Variants in IFT25 observed in about 807,000 individuals in gnomAD.
IFT25 encodes the protein intraflagellar transport 25.
chr1:53,919,909 C>T, the IFT25 span, among the ~76,000 whole-genome samples: 2 of 152,006 alleles, frequency 1.3e-5, no homozygotes, highest in South Asian at 4.1e-4. Context: ...ACCACCTCAG[C>T]CTCCCAAGCA....
chr1:53,944,144 C>T, the IFT25 span, among the ~76,000 whole-genome samples: 5 of 152,274 alleles, frequency 3.3e-5, no homozygotes, highest in South Asian at 2.1e-4. Context: ...TAAGTAGAAA[C>T]GGCAGAGACT....
the IFT25 span, among the ~76,000 whole-genome samples, chr1:53,918,314 A>T: frequency 6.6e-6 from 1 of 152,214 alleles, no homozygotes. Flanking sequence ...TTTTGTTATA[A>T]TTACTAGGAA....
chr1:53,933,403 G>A, the IFT25 span, among the ~76,000 whole-genome samples: 1 of 152,074 alleles, frequency 6.6e-6, no homozygotes, highest in East Asian at 1.9e-4. Context: ...CAAAGTGCTG[G>A]GATTGCAGGC....
the IFT25 span, chr1:53,928,476 T>C: frequency 6.7e-7 from 1 of 1,486,422 alleles, no homozygotes; most frequent in South Asian, 1.1e-5. Context: ...AGTGTTAATC[T>C]GGCTGTATGT....
the IFT25 span, among the ~76,000 whole-genome samples, chr1:53,943,943 G>C: frequency 1.3e-5 from 2 of 152,174 alleles, no homozygotes; most frequent in Non-Finnish European, 2.9e-5. Context: ...TTTTAAAAGA[G>C]AGTTACACTT....
chr1:53,928,246 C>T, the IFT25 span: 1 of 729,296 alleles, frequency 1.4e-6, no homozygotes, highest in Non-Finnish European at 2.3e-6. Context: ...TTTCTAGACC[C>T]TAAATGTGTC....
the IFT25 span, among the ~76,000 whole-genome samples, chr1:53,915,055 T>C: frequency 1.3e-5 from 2 of 152,250 alleles, no homozygotes; most frequent in East Asian, 1.9e-4. Context: ...GATCCAAAAA[T>C]TCATATATTG....
the IFT25 span, among the ~76,000 whole-genome samples, chr1:53,925,461 C>A: frequency 1.3e-5 from 2 of 150,518 alleles, no homozygotes; most frequent in African/African-American, 4.9e-5. Context: ...GAGATTGAGA[C>A]CATCCTGGCT....
At chr1:53,930,062 C>G in the IFT25 span, 1 of 1,567,948 alleles carries the variant, frequency 6.4e-7, no homozygotes, top group South Asian at 1.3e-5. Context: ...GATTACAAGC[C>G]TTTCAATCCT....
At chr1:53,944,226 C>T in the IFT25 span, among the ~76,000 whole-genome samples, 1 of 152,314 alleles carries the variant, frequency 6.6e-6, no homozygotes, top group South Asian at 2.1e-4. Flanking sequence ...CCATACAATG[C>T]CAGGCCTGGT....
chr1:53,941,671 T>G, the IFT25 span, among the ~76,000 whole-genome samples: 1 of 152,210 alleles, frequency 6.6e-6, no homozygotes, highest in African/African-American at 2.4e-5. Flanking sequence ...AAATACAGAT[T>G]GATAAACTTG....
chr1:53,946,022 G>A, the IFT25 span: 1 of 151,228 alleles, frequency 6.6e-6, no homozygotes, highest in Non-Finnish European at 1.5e-5. Flanking sequence ...CTAGCTCTTA[G>A]CGCCACGCCT....
the IFT25 span, among the ~76,000 whole-genome samples, chr1:53,927,859 T>C: frequency 2.0e-5 from 3 of 152,222 alleles, no homozygotes; most frequent in Non-Finnish European, 4.4e-5. Context: ...TCTCTCACAT[T>C]TGCTTTAGTT....
At chr1:53,924,520 T>C in the IFT25 span, among the ~76,000 whole-genome samples, 1 of 152,310 alleles carries the variant, frequency 6.6e-6, no homozygotes, top group Non-Finnish European at 1.5e-5. Flanking sequence ...TCTGGAAACA[T>C]GAAAGATTTA....
the IFT25 span, among the ~76,000 whole-genome samples, chr1:53,919,603 T>C: frequency 6.6e-6 from 1 of 152,210 alleles, no homozygotes; most frequent in African/African-American, 2.4e-5. Flanking sequence ...AATTGTTGCA[T>C]TAAGCCACTA....
the IFT25 span, chr1:53,945,818 T>C: frequency 9.1e-6 from 1 of 109,982 alleles, no homozygotes; most frequent in Admixed American, 1.0e-4. Context: ...GCGCCACGAC[T>C]CCCACAGGCC....
At chr1:53,943,770 T>C in the IFT25 span, among the ~76,000 whole-genome samples, 1 of 152,022 alleles carries the variant, frequency 6.6e-6, no homozygotes, top group African/African-American at 2.4e-5. Context: ...ACTACAGGCA[T>C]GCACCACCAC....
At chr1:53,918,301 G>A in the IFT25 span, among the ~76,000 whole-genome samples, 2 of 152,160 alleles carry the variant, frequency 1.3e-5, no homozygotes, top group South Asian at 2.1e-4. Flanking sequence ...TCATGCAAGA[G>A]CATTTTGTTA....
chr1:53,932,895 A>G, the IFT25 span, among the ~76,000 whole-genome samples: 61 of 152,246 alleles, frequency 4.0e-4, no homozygotes, highest in African/African-American at 1.4e-3. Flanking sequence ...CATGTTGTTG[A>G]TTATAGTGTT....
Sources: gnomAD v4.1 joint callset for allele counts (sites outside exome capture counted in the v4.1 genomes callset) on GRCh38, gnomAD v4.1.1 for gene constraint, MANE v1.5 for transcripts, NCBI Gene and HGNC (gene_info 2026-07-23, HGNC 2026-07-21) for gene names.